The following NPAS3 variants were observed in gnomAD, a reference collection of about 807,000 sequenced individuals.
NPAS3 encodes neuronal PAS domain protein 3.
In NPAS3, 14 loss-of-function variants were observed where a neutral mutation model predicts 73.1. That is an observed-to-expected ratio of 0.19 (90% confidence interval 0.13 to 0.30). The LOEUF (loss-of-function observed/expected upper bound fraction) is 0.30, where lower values mean the gene tolerates loss of function less well. Among genes scored for constraint, NPAS3 ranks in the 10% least tolerant of loss-of-function variants. The pLI is 1.00. For synonymous variants in NPAS3, 620 were observed against 541.5 expected (o/e 1.14, Z -2.01); for missense variants, 1,096 against 1,250.0 (o/e 0.88, Z 1.86).
chr14:33,685,490 A>T (rs766804803), intron 6 of NPAS3, among the ~76,000 whole-genome samples: 7 of 151,772 alleles, frequency 4.6e-5, no homozygotes, highest in Non-Finnish European at 8.8e-5. Flanking sequence ...AAATTGCCTA[A>T]CACTGCTCCT....
intron 2 of NPAS3, among the ~76,000 whole-genome samples, chr14:33,190,034 T>A (rs1246701915): frequency 6.6e-6 from 1 of 152,154 alleles, no homozygotes; most frequent in African/African-American, 2.4e-5. Context: ...TATATTCTTT[T>A]ACCCTTTAAT....
chr14:33,528,685 G>T (rs552172027), intron 4 of NPAS3, among the ~76,000 whole-genome samples: 13 of 152,220 alleles, frequency 8.5e-5, no homozygotes, highest in African/African-American at 2.9e-4. Flanking sequence ...GGACCAGCAA[G>T]GGAGGTAGTA....
chr14:33,567,573 C>T (rs1412253258), intron 5 of NPAS3, among the ~76,000 whole-genome samples: 1 of 152,168 alleles, frequency 6.6e-6, no homozygotes, highest in African/African-American at 2.4e-5. Flanking sequence ...CCACTGTCGG[C>T]CTCTATTGAT....
chr14:33,275,686 T>C (rs2041296677), intron 3 of NPAS3, among the ~76,000 whole-genome samples: 1 of 138,430 alleles, frequency 7.2e-6, no homozygotes, highest in Admixed American at 7.5e-5. Flanking sequence ...CTGACTCAAT[T>C]GACAATATTC....
intron 1 of NPAS3, among the ~76,000 whole-genome samples, chr14:33,023,911 T>A (rs1336381258): frequency 6.6e-6 from 1 of 152,084 alleles, no homozygotes; most frequent in African/African-American, 2.4e-5. Flanking sequence ...TATTGAACAT[T>A]TACTGTATGT....
chr14:33,323,272 C>T (rs2043541200), intron 3 of NPAS3, among the ~76,000 whole-genome samples: 1 of 152,182 alleles, frequency 6.6e-6, no homozygotes, highest in African/African-American at 2.4e-5. Flanking sequence ...CTTGACTTTA[C>T]AGAGTGTTCA....
At chr14:33,600,630 TATAAA>T (rs1371930226) in intron 5 of NPAS3, among the ~76,000 whole-genome samples, 1 of 152,220 alleles carries the variant, frequency 6.6e-6, no homozygotes, top group Non-Finnish European at 1.5e-5. Context: ...TGCCCATAGT[TATAAA>T]ATAATTACTG....
At chr14:33,801,046 G>C in exon 12 of NPAS3, 2 of 1,593,772 alleles carry the variant, frequency 1.3e-6, no homozygotes, top group East Asian at 4.6e-5. Flanking sequence ...TCTCCACGCT[G>C]CCCTTCCCCG....
chr14:33,555,753 C>A (rs769333898), intron 4 of NPAS3, among the ~76,000 whole-genome samples: 1 of 152,126 alleles, frequency 6.6e-6, no homozygotes, highest in South Asian at 2.1e-4. Context: ...CCACTTTAGA[C>A]CTGACTTCAT....
chr14:33,130,291 A>G (rs2043587405), intron 2 of NPAS3, among the ~76,000 whole-genome samples: 2 of 152,094 alleles, frequency 1.3e-5, no homozygotes, highest in South Asian at 4.1e-4. Context: ...ATTTAGTCTC[A>G]TTTGTAGACT....
intron 2 of NPAS3, among the ~76,000 whole-genome samples, chr14:33,173,567 T>C (rs1190819782): frequency 6.6e-6 from 1 of 152,204 alleles, no homozygotes; most frequent in Non-Finnish European, 1.5e-5. Context: ...AAAAGATGAA[T>C]AGTTTCTGAT....
At chr14:33,213,534 T>G (rs964893667) in intron 2 of NPAS3, 1 of 152,188 alleles carries the variant, frequency 6.6e-6, no homozygotes, top group Non-Finnish European at 1.5e-5. Flanking sequence ...TTATGTAGCT[T>G]TCAACCAGCT....
Position 33,241,773 on chromosome 14 carries a change from C to T in NPAS3, c.385+26347C>T, listed in dbSNP as rs533030193. Among the ~76,000 whole-genome samples, 297 of 152,084 alleles carry T rather than the reference C, an allele frequency of 2.0e-3. 1 individual carries two copies. Among genetic ancestry groups the T allele is most frequent in the Non-Finnish European group, 3.6e-3 (246 of 67,896 alleles). ...AAAGTATCCAATCAAATTTAATTGG[C>T]ATGACTAAGGCAGTAGAAATATGTT... On this transcript the variant is annotated intron_variant, in intron 3 of 11. Transcript: ENST00000356141.
chr14:33,760,525 G>A (rs1260659006), intron 7 of NPAS3, among the ~76,000 whole-genome samples: 2 of 151,980 alleles, frequency 1.3e-5, no homozygotes, highest in Non-Finnish European at 2.9e-5. Flanking sequence ...TAGAGACCAG[G>A]AAAGACTAGG....
intron 4 of NPAS3, among the ~76,000 whole-genome samples, chr14:33,550,137 A>G (rs887384378): frequency 5.3e-5 from 8 of 151,988 alleles, no homozygotes; most frequent in African/African-American, 1.9e-4. Context: ...CAGAGAAGCC[A>G]GGATCAATAC....
At chr14:33,548,122 G>A (rs999043556) in intron 4 of NPAS3, among the ~76,000 whole-genome samples, 3 of 152,120 alleles carry the variant, frequency 2.0e-5, no homozygotes, top group Non-Finnish European at 4.4e-5. Context: ...TTGGGAATTC[G>A]GATGCCTTTG....
intron 6 of NPAS3, among the ~76,000 whole-genome samples, chr14:33,725,274 T>A (rs2061233938): frequency 2.0e-5 from 3 of 151,876 alleles, no homozygotes; most frequent in African/African-American, 7.3e-5. Flanking sequence ...AAAAAATAAA[T>A]AAATAAATAT....
chr14:33,734,886 TC>T (rs1173991482), intron 6 of NPAS3, among the ~76,000 whole-genome samples: 1 of 152,142 alleles, frequency 6.6e-6, no homozygotes, highest in African/African-American at 2.4e-5. Context: ...TCCTTGTCTT[TC>T]ATGACAGTTC....
chr14:33,107,697 G>A (rs557006697), intron 2 of NPAS3, among the ~76,000 whole-genome samples: 1 of 152,120 alleles, frequency 6.6e-6, no homozygotes, highest in East Asian at 1.9e-4. Context: ...TTAAATATGT[G>A]CTGCAATGAG....
Sources: gnomAD v4.1 joint callset for allele counts (sites outside exome capture counted in the v4.1 genomes callset) on GRCh38, gnomAD v4.1.1 for gene constraint, MANE v1.5 for transcripts, NCBI Gene and HGNC (gene_info 2026-07-23, HGNC 2026-07-21) for gene names.